HLCS: variants seen among roughly 807,000 people sequenced by gnomAD.
HLCS encodes holocarboxylase synthetase.
HLCS carries 53 observed loss-of-function variants against 75.0 expected under a neutral mutation model. The observed-to-expected ratio is 0.71, with a 90% CI of 0.57 to 0.89. The LOEUF (loss-of-function observed/expected upper bound fraction) is 0.89, where lower values mean the gene tolerates loss of function less well. Among genes scored for constraint, HLCS ranks in the 40% least tolerant of loss-of-function variants. HLCS has a pLI of 0.00. For synonymous variants in HLCS, 431 were observed against 428.6 expected (o/e 1.01, Z -0.07); for missense variants, 966 against 1,074.0 (o/e 0.90, Z 1.41).
chr21:36,848,543 C>T (rs922902356), intron 6 of HLCS, among the ~76,000 whole-genome samples: 1 of 152,188 alleles, frequency 6.6e-6, no homozygotes, highest in African/African-American at 2.4e-5. Context: ...GCTGGGATTA[C>T]AGGCTTGAGC....
At chr21:36,787,399 T>C (rs1333806354) in intron 6 of HLCS, among the ~76,000 whole-genome samples, 1 of 152,200 alleles carries the variant, frequency 6.6e-6, no homozygotes, top group East Asian at 1.9e-4. Context: ...TGGAGGCACT[T>C]GGCTGGTTAA....
intron 6 of HLCS, among the ~76,000 whole-genome samples, chr21:36,823,610 GGTGTGTGT>G (rs59724760): frequency 5.1e-4 from 68 of 132,832 alleles, no homozygotes; most frequent in African/African-American, 6.1e-4. Context: ...AAACGTGCAG[GGTGTGTGT>G]GTGTGTGTGT....
At chr21:36,945,402 C>G (rs991381920) in intron 2 of HLCS, among the ~76,000 whole-genome samples, 1 of 151,984 alleles carries the variant, frequency 6.6e-6, no homozygotes, top group Non-Finnish European at 1.5e-5. Flanking sequence ...TAGAAACAAC[C>G]CAAATGTCCA....
At chr21:36,812,272 T>A (rs920941257) in intron 6 of HLCS, among the ~76,000 whole-genome samples, 1 of 152,164 alleles carries the variant, frequency 6.6e-6, no homozygotes, top group African/African-American at 2.4e-5. Flanking sequence ...AGGTAACAGA[T>A]TCTCAACAAA....
At position 36,879,199 on chromosome 21, in the gene HLCS, A is replaced by G. The variant is rs566019387; in HGVS notation, c.1892+17661T>C. ...AACAACAGTTATTAACCCCATTCCT[A>G]TTCAACTTCTGTCAATGTCTGCTTT... On this transcript the variant is annotated intron_variant, in intron 6 of 10. Coordinates refer to ENST00000674895, the MANE Select transcript of HLCS (RefSeq NM_001352514.2). Among the ~76,000 whole-genome samples the G allele has an allele frequency of 9.1e-3, 1,388 of 152,168 alleles. 24 individuals are homozygous for G. Among genetic ancestry groups the G allele is most frequent in the African/African-American group, 0.031 (1,285 of 41,498 alleles).
chr21:36,858,317 C>T (rs1283677345), intron 6 of HLCS, among the ~76,000 whole-genome samples: 2 of 152,034 alleles, frequency 1.3e-5, no homozygotes, highest in Admixed American at 6.6e-5. Flanking sequence ...CAGATAATTC[C>T]ACAATGAGTT....
At chr21:36,973,767 G>C (rs2068859266) in intron 1 of HLCS, 1 of 152,276 alleles carries the variant, frequency 6.6e-6, no homozygotes, top group Non-Finnish European at 1.5e-5. Context: ...AAGGCGGGTG[G>C]ATCACCTGAG....
chr21:36,937,279 C>T lies in HLCS; in HGVS notation c.607G>A (p.Asp203Asn), dbSNP rs1286835653. ...TCTCTGCCAACATGCTCCATACCGTCCTGCTCAGGCTTAATCTCAAGAGAA... is the reference window on the plus strand; with the variant it reads ...TCTCTGCCAACATGCTCCATACCGTTCTGCTCAGGCTTAATCTCAAGAGAA... Reference protein sequence around the residue: ...EPSLEIKPEQDGMEHVGRDDP... With the variant: ...EPSLEIKPEQNGMEHVGRDDP... The change falls in exon 4 of 11, where the codon GAC (aspartate) becomes AAC (asparagine). Residue 203 changes from aspartate (D) to asparagine (N), a missense_variant. Transcript: ENST00000674895. 6.2e-7 allele frequency: 1 copy of T among 1,614,090 alleles called. No individual in the cohort carries two copies.
At chr21:36,845,874 T>C (rs867296620) in intron 6 of HLCS, among the ~76,000 whole-genome samples, 14 of 152,288 alleles carry the variant, frequency 9.2e-5, no homozygotes, top group Middle Eastern at 6.8e-3. Flanking sequence ...GAGTATATTA[T>C]GCCACCTCTT....
chr21:36,815,274 C>T (rs2061628469), intron 6 of HLCS, among the ~76,000 whole-genome samples: 1 of 152,134 alleles, frequency 6.6e-6, no homozygotes, highest in Admixed American at 6.5e-5. Context: ...AATGATCCAC[C>T]TGCCTTGGCC....
At chr21:36,778,769 C>T (rs1377998187) in intron 6 of HLCS, among the ~76,000 whole-genome samples, 4 of 152,220 alleles carry the variant, frequency 2.6e-5, no homozygotes, top group African/African-American at 7.2e-5. Flanking sequence ...TGTATGCCTT[C>T]CTATCATTTT....
intron 2 of HLCS, among the ~76,000 whole-genome samples, chr21:36,949,035 C>T (rs954815775): frequency 6.6e-6 from 1 of 152,148 alleles, no homozygotes; most frequent in Admixed American, 6.5e-5. Flanking sequence ...ACCGCCGAGG[C>T]CTGCTAAGGT....
intron 6 of HLCS, among the ~76,000 whole-genome samples, chr21:36,778,314 C>G (rs528151646): frequency 2.0e-5 from 3 of 151,524 alleles, no homozygotes; most frequent in African/African-American, 4.8e-5. Flanking sequence ...GAGTCTCACT[C>G]TATCACCCAG....
chr21:36,902,937 C>A (rs2065298523), intron 5 of HLCS, among the ~76,000 whole-genome samples: 2 of 152,104 alleles, frequency 1.3e-5, no homozygotes, highest in South Asian at 2.1e-4. Context: ...CTGAGACTAA[C>A]CGACCACAAA....
chr21:36,930,351 C>A lies in HLCS; in HGVS notation c.1520G>T (p.Arg507Ile), dbSNP rs2066582163. The A allele has an allele frequency of 6.2e-7, 1 of 1,614,000 alleles. No homozygotes were observed. Among genetic ancestry groups the A allele is most frequent in the Non-Finnish European group, 8.5e-7 (1 of 1,179,998 alleles). Residue 507 changes from arginine (R) to isoleucine (I), a missense_variant, in exon 5 of 11, where the codon AGA (arginine) becomes ATA (isoleucine). Transcript: ENST00000674895. ...FNLLKSSNFR[R>I]YEVLREILTT... is the part of the protein sequence containing the mutation. Reference sequence around the variant, plus strand: ...CAGAATCTCTCTAAGGACTTCGTATCTTCTAAAATTGCTTGACTTGAGCAA... The same window carrying A: ...CAGAATCTCTCTAAGGACTTCGTATATTCTAAAATTGCTTGACTTGAGCAA...
At chr21:36,962,443 C>T (rs1296984067) in intron 1 of HLCS, among the ~76,000 whole-genome samples, 8 of 152,136 alleles carry the variant, frequency 5.3e-5, no homozygotes, top group Admixed American at 3.3e-4. Flanking sequence ...GGCCTATCCC[C>T]GCCATTCCTC....
At chr21:36,771,718 G>A (rs1264977492) in intron 6 of HLCS, among the ~76,000 whole-genome samples, 2 of 152,162 alleles carry the variant, frequency 1.3e-5, no homozygotes, top group Non-Finnish European at 2.9e-5. Context: ...AAAAATTATG[G>A]CCGGGCGCGG....
rs538327451 is a variant in HLCS, at chr21:36,770,417, G to A, written c.1893-3132C>T. 1.5e-4 allele frequency among the ~76,000 whole-genome samples: 23 copies of A among 152,182 alleles called. No individual in the cohort carries two copies. The South Asian group carries it at 4.4e-3, about 29-fold the overall frequency. ...CTGCTTCAGCCTCCCAAAGTGCTGGGATTACAGGTGTAAGCCACCACGCCT... is the reference window on the plus strand; with the variant it reads ...CTGCTTCAGCCTCCCAAAGTGCTGGAATTACAGGTGTAAGCCACCACGCCT... On this transcript the variant is annotated intron_variant, in intron 6 of 10. Transcript: ENST00000674895.
At chr21:36,981,364 G>GAATCTATTA (rs1426330509) in intron 1 of HLCS, among the ~76,000 whole-genome samples, 2 of 146,386 alleles carry the variant, frequency 1.4e-5, no homozygotes, top group African/African-American at 5.1e-5. Context: ...ACTGAGAGCT[G>GAATCTATTA]AATCTATTAA....
Sources: gnomAD v4.1 joint callset for allele counts (sites outside exome capture counted in the v4.1 genomes callset) on GRCh38, gnomAD v4.1.1 for gene constraint, MANE v1.5 for transcripts, NCBI Gene and HGNC (gene_info 2026-07-23, HGNC 2026-07-21) for gene names.